NEDD9: variants seen among roughly 807,000 people sequenced by gnomAD.
NEDD9 encodes neural precursor cell expressed, developmentally down-regulated 9.
In NEDD9, 26 loss-of-function variants were observed where a neutral mutation model predicts 76.6. That is an observed-to-expected ratio of 0.34 (90% CI 0.25 to 0.47). The LOEUF (loss-of-function observed/expected upper bound fraction) is 0.47. Ranked by LOEUF, NEDD9 falls within the 20% of genes least tolerant of loss-of-function variation. The pLI is 1.00. For missense variants in NEDD9, 937 were observed against 1,058.5 expected, an observed-to-expected ratio of 0.89 and a Z score of 1.59; for synonymous variants, 392 against 414.2, an observed-to-expected ratio of 0.95 and a Z score of 0.65.
chr6:11,318,199 C>A (rs1160846747), intron 2 of NEDD9, among the ~76,000 whole-genome samples: 2 of 152,192 alleles, frequency 1.3e-5, no homozygotes, highest in Non-Finnish European at 2.9e-5. Context: ...TTTGCCAACT[C>A]ATTCTGCAGA....
At chr6:11,280,356 CT>C (rs1310187882) in intron 3 of NEDD9, among the ~76,000 whole-genome samples, 2 of 152,180 alleles carry the variant, frequency 1.3e-5, no homozygotes, top group Non-Finnish European at 2.9e-5. Flanking sequence ...TGTCCTCTAT[CT>C]AAAGTATTTT....
intron 1 of NEDD9, among the ~76,000 whole-genome samples, chr6:11,359,255 T>C (rs1762635407): frequency 6.6e-6 from 1 of 152,196 alleles, no homozygotes; most frequent in African/African-American, 2.4e-5. Context: ...GTTAGGAAAC[T>C]CTTGGAGAAA....
At chr6:11,324,086 G>A (rs187083358) in intron 2 of NEDD9, among the ~76,000 whole-genome samples, 114 of 152,304 alleles carry the variant, frequency 7.5e-4, no homozygotes, top group Non-Finnish European at 1.4e-3. Flanking sequence ...GCCGGGGAGG[G>A]CACTCAGTGC....
intron 1 of NEDD9, among the ~76,000 whole-genome samples, chr6:11,377,228 C>T (rs1033305247): frequency 3.4e-4 from 51 of 152,226 alleles, no homozygotes; most frequent in African/African-American, 9.9e-4. Context: ...CAGGGCACTA[C>T]CTAGTGGAGC....
chr6:11,211,964 A>AGTATCCTGATCTT (rs34779794), intron 2 of NEDD9, among the ~76,000 whole-genome samples: 147,179 of 152,242 alleles, frequency 0.97, 71,191 homozygotes, highest in East Asian at 1. Flanking sequence ...GGCTCTCCAC[A>AGTATCCTGATCTT]GGGTCTCTAG....
chr6:11,278,147 C>T lies in NEDD9; in HGVS notation c.12+27845G>A, dbSNP rs188663348. Reference sequence around the variant, plus strand: ...ATCTTCTTCCCCTCCCGCTTCCTGTCCAGGCTAGTCAAGCTTCTCACTCGC... The same window carrying T: ...ATCTTCTTCCCCTCCCGCTTCCTGTTCAGGCTAGTCAAGCTTCTCACTCGC... On this transcript the variant is annotated intron_variant, in intron 3 of 3. Transcript: ENST00000397378. Among the ~76,000 whole-genome samples, 339 of 152,302 alleles carry T rather than the reference C, an allele frequency of 2.2e-3. 1 individual carries two copies. The highest frequency in any genetic ancestry group is 3.0e-3 in the Non-Finnish European group (206 of 68,018).
intron 3 of NEDD9, among the ~76,000 whole-genome samples, chr6:11,272,631 C>T (rs181171848): frequency 7.1e-4 from 108 of 152,256 alleles, no homozygotes; most frequent in Non-Finnish European, 1.2e-3. Context: ...GTTTCCTTTC[C>T]CCCACCTAAC....
intron 1 of NEDD9, among the ~76,000 whole-genome samples, chr6:11,229,105 G>A (rs1041270958): frequency 2.6e-5 from 4 of 152,172 alleles, no homozygotes; most frequent in Admixed American, 2.0e-4. Flanking sequence ...GCGTTTCACG[G>A]CACACAGGTT....
At chr6:11,227,665 G>A (rs767885289) in intron 1 of NEDD9, among the ~76,000 whole-genome samples, 31 of 152,234 alleles carry the variant, frequency 2.0e-4, no homozygotes, top group Middle Eastern at 3.4e-3. Flanking sequence ...ACAAATAGAG[G>A]GTGGGTCTCT....
At position 11,188,295 on chromosome 6, in the gene NEDD9, A is replaced by T; in HGVS notation, c.1918T>A (p.Phe640Ile). The change falls in exon 6 of 7, where the codon TTT (phenylalanine) becomes ATT (isoleucine). Residue 640 changes from phenylalanine (F) to isoleucine (I), a missense_variant. Phe to Ile is a conservative substitution (Grantham distance 21). Coordinates refer to ENST00000379446, the MANE Select transcript of NEDD9 (RefSeq NM_006403.4). Reference protein sequence around the residue: ...DYVHLQGKEEFERQQKELLEK... With the variant: ...DYVHLQGKEEIERQQKELLEK... The stretch of plus-strand genomic sequence containing the variant: ...AATAGCTCTTTCTGTTGCCTCTCAA[A>T]CTCCTCCTTACCCTGTTAATTTTCA... 1 of 1,613,244 alleles carries T rather than the reference A, an allele frequency of 6.2e-7. No homozygotes were observed. Among genetic ancestry groups the T allele is most frequent in the East Asian group, 2.2e-5 (1 of 44,864 alleles).
At chr6:11,265,356 G>T (rs1417437019) in intron 3 of NEDD9, among the ~76,000 whole-genome samples, 1 of 152,204 alleles carries the variant, frequency 6.6e-6, no homozygotes, top group Non-Finnish European at 1.5e-5. Flanking sequence ...GAAGATTTCA[G>T]ATGAGTTTTA....
At chr6:11,327,528 C>T (rs1761952341) in intron 2 of NEDD9, among the ~76,000 whole-genome samples, 1 of 152,144 alleles carries the variant, frequency 6.6e-6, no homozygotes, top group African/African-American at 2.4e-5. Context: ...GTCAATAGAC[C>T]TCGAAGTCTG....
intron 1 of NEDD9, among the ~76,000 whole-genome samples, chr6:11,364,563 G>T (rs187887376): frequency 3.9e-5 from 6 of 152,238 alleles, no homozygotes; most frequent in Admixed American, 3.9e-4. Context: ...GCACAACTAG[G>T]ATTTGAACCC....
At chr6:11,374,273 C>A (rs1322414938) in intron 1 of NEDD9, among the ~76,000 whole-genome samples, 2 of 152,166 alleles carry the variant, frequency 1.3e-5, no homozygotes, top group Non-Finnish European at 2.9e-5. Context: ...TTGACTTTAA[C>A]TTCTCCACTC....
At chr6:11,285,674 C>T (rs1760633230) in intron 3 of NEDD9, among the ~76,000 whole-genome samples, 1 of 152,092 alleles carries the variant, frequency 6.6e-6, no homozygotes, top group South Asian at 2.1e-4. Context: ...TAAAGACTGA[C>T]AAATAGATAA....
chr6:11,188,984 T>C (rs1358217336), intron 5 of NEDD9, among the ~76,000 whole-genome samples: 1 of 151,366 alleles, frequency 6.6e-6, no homozygotes, highest in Non-Finnish European at 1.5e-5. Flanking sequence ...TCTCGCTCTG[T>C]CGCCCAGGCT....
rs117792277 is a variant in NEDD9 at position 11,307,970 on chromosome 6, C to T, written c.-152-1815G>A. ...GTGGGGCCAAGAGACCATGCCCACC[C>T]GAGATCCATGTCTCCCTTTCTAGAC... On this transcript the variant is annotated intron_variant, in intron 2 of 3. Transcript: ENST00000397378. 4.1e-3 allele frequency among the ~76,000 whole-genome samples: 620 copies of T among 152,264 alleles called. 6 individuals are homozygous for T. The East Asian group carries it at 0.052, about 13-fold the overall frequency.
At chr6:11,374,236 C>G (rs1259213701) in intron 1 of NEDD9, among the ~76,000 whole-genome samples, 1 of 152,154 alleles carries the variant, frequency 6.6e-6, no homozygotes, top group Non-Finnish European at 1.5e-5. Context: ...AAAGCCAAAC[C>G]AGTGATACAA....
In NEDD9 at chr6:11,377,022, G is replaced by A. The variant is rs750089639; in HGVS notation, c.-214+5117C>T. Among the ~76,000 whole-genome samples the A allele has an allele frequency of 5.9e-5, 9 of 152,380 alleles. No homozygotes were observed. The South Asian group carries it at 1.2e-3, about 21-fold the overall frequency. On this transcript the variant is annotated intron_variant, in intron 1 of 3. Coordinates refer to the NEDD9 transcript ENST00000397378. ...CCATAAGCCTTGGTGATTGCCACATGGGGTTAAGTCTGCAGATGCTCAGAA... is the reference window on the plus strand; with the variant it reads ...CCATAAGCCTTGGTGATTGCCACATAGGGTTAAGTCTGCAGATGCTCAGAA...
Sources: gnomAD v4.1 joint callset for allele counts (sites outside exome capture counted in the v4.1 genomes callset) on GRCh38, gnomAD v4.1.1 for gene constraint, MANE v1.5 for transcripts, NCBI Gene and HGNC (gene_info 2026-07-23, HGNC 2026-07-21) for gene names.